TJP1: variants seen among roughly 807,000 people sequenced by gnomAD.
TJP1 encodes the protein tight junction protein 1.
A neutral mutation model predicts 194.2 loss-of-function variants in TJP1; 43 were observed. The observed-to-expected ratio is 0.22, with a 90% confidence interval of 0.17 to 0.29. The LOEUF is 0.29. Among genes scored for constraint, TJP1 ranks in the 10% least tolerant of loss-of-function variants. The probability of loss-of-function intolerance (pLI) is 1.00; values close to 1 mark genes in which losing one functional copy is unlikely to be tolerated. For synonymous variants in TJP1, 801 were observed against 779.0 expected (o/e 1.03, Z -0.47); for missense variants, 1,971 against 2,185.7 (o/e 0.90, Z 1.96).
Position 29,716,960 on chromosome 15 carries a change from G to T in TJP1, c.3975-122C>A, listed in dbSNP as rs1052280113. 4 of 830,050 alleles carry T rather than the reference G, an allele frequency of 4.8e-6. No homozygotes were observed. The African/African-American group carries it at 6.9e-5, about 14-fold the overall frequency. The allele number at this position is 830,050 out of a possible 1,614,324, so 51.4% of individuals were successfully genotyped here. ...AATTACTAACTGCTGTGATTACTGA[G>T]GATCTGAGCAGTCCCAACAGTTAAA... On this transcript the variant is annotated intron_variant, in intron 22 of 27. Transcript: ENST00000614355.
At chr15:29,790,393 G>A (rs74810875) in intron 2 of TJP1, among the ~76,000 whole-genome samples, 6,680 of 152,066 alleles carry the variant, frequency 0.044, 167 homozygotes, top group South Asian at 0.075. Context: ...TTTTAAAAAT[G>A]TTTTTATTTT....
intron 1 of TJP1, among the ~76,000 whole-genome samples, chr15:29,808,570 C>A (rs964509098): frequency 1.1e-4 from 16 of 152,156 alleles, no homozygotes; most frequent in Non-Finnish European, 1.6e-4. Context: ...AAATATGCTT[C>A]CATCCATCCA....
At chr15:29,942,536 C>A (rs996520526) in intron 2 of TJP1, among the ~76,000 whole-genome samples, 1 of 152,236 alleles carries the variant, frequency 6.6e-6, no homozygotes, top group Non-Finnish European at 1.5e-5. Flanking sequence ...TGTCAATTGG[C>A]AAACTGCATT....
At chr15:29,756,598 G>A (rs1344641508) in intron 8 of TJP1, among the ~76,000 whole-genome samples, 1 of 152,152 alleles carries the variant, frequency 6.6e-6, no homozygotes, top group African/African-American at 2.4e-5. Flanking sequence ...TGAAGAACAA[G>A]CTTGTGTGTT....
intron 27 of TJP1, among the ~76,000 whole-genome samples, chr15:29,703,013 T>C (rs550164784): frequency 6.6e-6 from 1 of 152,204 alleles, no homozygotes; most frequent in Admixed American, 6.5e-5. Context: ...AGTGGAAGCT[T>C]TGAAATTATC....
At chr15:29,947,204 T>C (rs1270814916) in intron 2 of TJP1, among the ~76,000 whole-genome samples, 1 of 152,206 alleles carries the variant, frequency 6.6e-6, no homozygotes, top group Non-Finnish European at 1.5e-5. Context: ...ACTAAGCACC[T>C]AGAATTACAT....
intron 2 of TJP1, among the ~76,000 whole-genome samples, chr15:29,799,165 A>C (rs1353478585): frequency 6.6e-6 from 1 of 152,170 alleles, no homozygotes; most frequent in Admixed American, 6.5e-5. Flanking sequence ...TAAAAGTCTT[A>C]ATAAAAATAA....
chr15:29,702,303 C>T (rs2041598715), intron 27 of TJP1, among the ~76,000 whole-genome samples: 1 of 152,170 alleles, frequency 6.6e-6, no homozygotes, highest in Non-Finnish European at 1.5e-5. Flanking sequence ...CTGATTCCAG[C>T]TGGACAACAA....
At chr15:29,923,086 C>T (rs1187660777) in intron 2 of TJP1, among the ~76,000 whole-genome samples, 3 of 152,118 alleles carry the variant, frequency 2.0e-5, no homozygotes, top group Non-Finnish European at 4.4e-5. Flanking sequence ...AAGTTCCTTC[C>T]AGCTTTTGGG....
At chr15:29,715,031 G>A (rs1299317602) in intron 23 of TJP1, among the ~76,000 whole-genome samples, 1 of 152,200 alleles carries the variant, frequency 6.6e-6, no homozygotes, top group African/African-American at 2.4e-5. Context: ...TCAGTGCCTA[G>A]CTCACTTTAG....
Position 29,811,913 on chromosome 15 carries a change from C to T in TJP1, c.27+10089G>A, listed in dbSNP as rs74816071. ...ATGTCTTAAATAATCTACAGGCCAA[C>T]CTTTGTCCATAAATAAACAAGTAAA... On this transcript the variant is annotated intron_variant, in intron 1 of 27. Transcript: ENST00000614355. 6.1e-3 allele frequency among the ~76,000 whole-genome samples: 926 copies of T among 152,308 alleles called. 8 individuals are homozygous for T. Among genetic ancestry groups the T allele is most frequent in the African/African-American group, 0.021 (877 of 41,574 alleles).
intron 2 of TJP1, among the ~76,000 whole-genome samples, chr15:29,867,743 C>A (rs1371806986): frequency 6.6e-6 from 1 of 152,090 alleles, no homozygotes; most frequent in African/African-American, 2.4e-5. Flanking sequence ...CACAGTGAGA[C>A]CCTGTCCCTG....
intron 2 of TJP1, among the ~76,000 whole-genome samples, chr15:29,840,765 C>G (rs2051196753): frequency 6.6e-6 from 1 of 152,182 alleles, no homozygotes; most frequent in African/African-American, 2.4e-5. Flanking sequence ...ATGCCACTCA[C>G]TATGCCAGGT....
At chr15:29,959,075 C>G (rs1265542678) in intron 1 of TJP1, among the ~76,000 whole-genome samples, 1 of 151,810 alleles carries the variant, frequency 6.6e-6, no homozygotes, top group Non-Finnish European at 1.5e-5. Context: ...CTGCAAGCTC[C>G]GTCTCCTGGG....
intron 2 of TJP1, among the ~76,000 whole-genome samples, chr15:29,901,914 T>C (rs1292580747): frequency 6.6e-6 from 1 of 152,186 alleles, no homozygotes; most frequent in Non-Finnish European, 1.5e-5. Context: ...ATTTTCATAC[T>C]GTTCTCATAT....
chr15:29,849,261 G>A (rs894396648), intron 2 of TJP1, among the ~76,000 whole-genome samples: 1 of 151,928 alleles, frequency 6.6e-6, no homozygotes, highest in African/African-American at 2.4e-5. Context: ...ATGTATGTTT[G>A]TTTTAATAGT....
intron 1 of TJP1, 136 bp downstream of exon 1, chr15:29,821,856 CCGCGGCCCCG>C (rs2050389755): frequency 1.2e-6 from 1 of 827,334 alleles, no homozygotes; most frequent in Admixed American, 6.4e-5. Context: ...GGCCCGCGGC[CCGCGGCCCCG>C]CGCCAGCCCT....
chr15:29,774,164 G>C (rs2046866625), intron 2 of TJP1, among the ~76,000 whole-genome samples: 5 of 152,048 alleles, frequency 3.3e-5, no homozygotes. Context: ...GTATGTTTTT[G>C]TATAAAACTG....
rs2046060931 is a variant in TJP1, at chr15:29,762,341, T to C, written c.687A>G (p.Val229=). 1.2e-6 allele frequency: 2 copies of C among 1,611,490 alleles called. No homozygotes were observed. Among genetic ancestry groups the C allele is most frequent in the Non-Finnish European group, 1.7e-6 (2 of 1,178,396 alleles). The change falls in exon 6 of 28, where the codon GTA becomes GTG. Residue 229 remains valine (V), a synonymous_variant. Coordinates refer to ENST00000614355, the MANE Select transcript of TJP1 (RefSeq NM_001330239.4). The stretch of plus-strand genomic sequence containing the variant: ...AGTAAGAATATGATTATACCTTCAA[T>C]ACAACATCACCTTCTTGAATATTGC... ...RDGNIQEGDV[V]LKINGTVTEN... is the part of the protein sequence containing the mutation.
Sources: allele counts gnomAD v4.1 joint callset (sites outside exome capture counted in the v4.1 genomes callset), GRCh38; gene constraint gnomAD v4.1.1; transcripts MANE v1.5; gene names NCBI Gene and HGNC (gene_info 2026-07-23, HGNC 2026-07-21).